Variants in ADGRD1 observed in about 807,000 individuals in gnomAD.
ADGRD1 encodes adhesion G protein-coupled receptor D1, also known as G-protein coupled receptor 133.
In ADGRD1, 77 loss-of-function variants were observed where a neutral mutation model predicts 113.4. The observed-to-expected ratio is 0.68, with a 90% CI of 0.57 to 0.82. The LOEUF is 0.82. Among genes scored for constraint, ADGRD1 ranks in the 40% least tolerant of loss-of-function variants. The pLI, the probability that ADGRD1 is intolerant of heterozygous loss-of-function variation, is 0.00. For missense variants in ADGRD1, 1,036 were observed against 1,139.1 expected (o/e 0.91, Z 1.30); for synonymous variants, 474 against 475.0 (o/e 1.00, Z 0.03).
At chr12:131,032,556 G>A (rs1237747853) in intron 13 of ADGRD1, among the ~76,000 whole-genome samples, 7 of 152,176 alleles carry the variant, frequency 4.6e-5, no homozygotes, top group East Asian at 1.9e-4. Context: ...AGCAGTGAGC[G>A]GAGAGGGCTC....
intron 11 of ADGRD1, among the ~76,000 whole-genome samples, chr12:131,005,572 G>A (rs1480486387): frequency 1.3e-5 from 2 of 150,572 alleles, no homozygotes; most frequent in African/African-American, 5.0e-5. Flanking sequence ...GCACTCGTGG[G>A]GCAAGGCTGG....
intron 13 of ADGRD1, among the ~76,000 whole-genome samples, chr12:131,044,705 G>C (rs1480044602): frequency 6.6e-6 from 1 of 152,046 alleles, no homozygotes; most frequent in African/African-American, 2.4e-5. Flanking sequence ...GTTTAGATTT[G>C]CACCCATTGG....
intron 16 of ADGRD1, 121 bp from the exon 17 acceptor site, chr12:131,105,633 C>A: frequency 1.4e-6 from 1 of 694,706 alleles, no homozygotes; most frequent in South Asian, 1.7e-5. Flanking sequence ...CAGGGAGTGA[C>A]AGCAACCCCT....
intron 2 of ADGRD1, among the ~76,000 whole-genome samples, chr12:130,958,322 C>G (rs1869921250): frequency 6.6e-6 from 1 of 152,002 alleles, no homozygotes. Flanking sequence ...GCCTCAGTCA[C>G]CCGAGCAGCT....
chr12:130,966,595 C>A lies in ADGRD1; in HGVS notation c.187+49C>A. 8.6e-7 allele frequency: 1 copy of A among 1,157,926 alleles called. No homozygotes were observed. Among genetic ancestry groups the A allele is most frequent in the Non-Finnish European group, 1.3e-6 (1 of 764,112 alleles). 71.7% of individuals were successfully genotyped at this position (1,157,926 alleles called of 1,614,324 possible). A position where few individuals can be genotyped will look rare whatever the true frequency, so the allele number is the denominator to read the frequency against. Reference sequence around the variant, plus strand: ...GGCTGTGGGCGCGGGAATCCCAGGGCCATCAGGAGGCGTGGGTGCTGAGAG... The same window carrying A: ...GGCTGTGGGCGCGGGAATCCCAGGGACATCAGGAGGCGTGGGTGCTGAGAG... On this transcript the variant is annotated intron_variant, in intron 3 of 24. Coordinates refer to ENST00000261654, the MANE Select transcript of ADGRD1 (RefSeq NM_198827.5). This position sits in a 1 kb window ranked among gnomAD's most constrained non-coding sequence, Gnocchi z 4.6.
chr12:131,038,218 A>G (rs139864556), intron 13 of ADGRD1, among the ~76,000 whole-genome samples: 218 of 152,306 alleles, frequency 1.4e-3, no homozygotes, highest in Non-Finnish European at 2.7e-3. Flanking sequence ...AGGGGTTCAG[A>G]TGACCCAGCA....
intron 9 of ADGRD1, among the ~76,000 whole-genome samples, chr12:131,001,747 A>G (rs574734287): frequency 1.3e-5 from 2 of 152,318 alleles, no homozygotes; most frequent in Middle Eastern, 3.4e-3. Context: ...GTGGTTTCCA[A>G]GGTTGCCAGG....
chr12:131,013,066 G>A (rs182904056), intron 12 of ADGRD1, among the ~76,000 whole-genome samples: 11 of 152,298 alleles, frequency 7.2e-5, no homozygotes, highest in Non-Finnish European at 1.3e-4. Context: ...CCTTGGGGTC[G>A]TGCCCAGTGT....
chr12:131,067,690 CCTT>C (rs1403799100), intron 13 of ADGRD1, among the ~76,000 whole-genome samples: 1 of 102,016 alleles, frequency 9.8e-6, no homozygotes, highest in East Asian at 2.5e-4. Flanking sequence ...TGCCCCTGAT[CCTT>C]CTTCTGAGCA....
intron 15 of ADGRD1, among the ~76,000 whole-genome samples, chr12:131,089,353 C>T (rs928735972): frequency 6.6e-6 from 1 of 152,220 alleles, no homozygotes; most frequent in Non-Finnish European, 1.5e-5. Context: ...GAACGGGGAA[C>T]GTCTTCCTTC....
rs1870981115 is a variant in ADGRD1 at position 130,966,288 on chromosome 12, GTTTCTT to G, written c.104-169_104-164del. 6.6e-6 allele frequency among the ~76,000 whole-genome samples: 1 copy of G among 152,152 alleles called. No homozygotes were observed. The highest frequency in any genetic ancestry group is 1.5e-5 in the Non-Finnish European group (1 of 68,026). On this transcript the variant is annotated intron_variant, in intron 2 of 24. Transcript: ENST00000261654. The surrounding 1 kb of genome is among the most constrained non-coding windows in gnomAD (Gnocchi z 4.6). ...CTATTTACCAACTTCTAATTTAAGA[GTTTCTT>G]TTTCTAACCAAGAGTGTGTGTTGAA...
intron 4 of ADGRD1, among the ~76,000 whole-genome samples, chr12:130,980,395 T>TGCGCCCG (rs1872816741): frequency 7.7e-6 from 1 of 130,182 alleles, no homozygotes; most frequent in South Asian, 2.8e-4. Context: ...TGAGCCACCA[T>TGCGCCCG]GCCTGGACCC....
At chr12:131,018,523 G>A (rs967153895) in intron 13 of ADGRD1, among the ~76,000 whole-genome samples, 15 of 151,774 alleles carry the variant, frequency 9.9e-5, no homozygotes, top group African/African-American at 3.4e-4. Flanking sequence ...CGCTTCCCTC[G>A]TGCTGCCCCA....
intron 8 of ADGRD1, among the ~76,000 whole-genome samples, chr12:130,997,088 G>T (rs1875573426): frequency 7.7e-6 from 1 of 129,702 alleles, no homozygotes; most frequent in Non-Finnish European, 1.7e-5. Context: ...GGGCGGCCGG[G>T]CAGAGGCACC....
At chr12:131,118,518 T>G in intron 19 of ADGRD1, 67 bp downstream of exon 19, 11 of 1,202,952 alleles carry the variant, frequency 9.1e-6, no homozygotes, top group African/African-American at 1.5e-5. Flanking sequence ...GAGAGCCCCG[T>G]GGCTCTTGCC....
In ADGRD1 at chr12:130,954,746, G is replaced by A. The variant is rs530846344; in HGVS notation, c.103+86G>A. 2.3e-6 allele frequency: 3 copies of A among 1,329,458 alleles called. No individual in the cohort carries two copies. 82.4% of individuals were successfully genotyped at this position (1,329,458 alleles called of 1,614,324 possible). ...AGGAACAGCCCACTTGTTCATCTCT[G>A]AGGCATCAGCGAATGGCCCTTGTTG... On this transcript the variant is annotated intron_variant, in intron 2 of 24. Coordinates refer to ENST00000261654, the MANE Select transcript of ADGRD1 (RefSeq NM_198827.5). This position sits in a 1 kb window ranked among gnomAD's most constrained non-coding sequence, Gnocchi z 4.7.
At position 130,987,253 on chromosome 12, in the gene ADGRD1, G is replaced by T; in HGVS notation, c.649G>T (p.Ala217Ser). ...CGTGATAGGGTCTGAGCAGGACCAG[G>T]CCAAGTGTTATGAGAACGGTGCTTT... Reference protein sequence around the residue: ...NLVIGSEQDQAKCYENGAFDE... With the variant: ...NLVIGSEQDQSKCYENGAFDE... Residue 217 changes from alanine (A) to serine (S), a missense_variant, in exon 6 of 25, where the codon GCC becomes TCC. Transcript: ENST00000261654. The T allele has an allele frequency of 6.2e-7, 1 of 1,614,240 alleles. No homozygotes were observed. Among genetic ancestry groups the T allele is most frequent in the Non-Finnish European group, 8.5e-7 (1 of 1,180,028 alleles).
chr12:130,964,051 G>A (rs143489236), intron 2 of ADGRD1, among the ~76,000 whole-genome samples: 226 of 152,168 alleles, frequency 1.5e-3, no homozygotes, highest in African/African-American at 5.0e-3. Flanking sequence ...ATATTTATAC[G>A]TAATTTTTAT....
At position 130,966,558 on chromosome 12, in the gene ADGRD1, G is replaced by A. The variant is rs202192321; in HGVS notation, c.187+12G>A. ...GGATACAACTGGAGGTAGAGACGCGGGTGCTGAGAGCGGCTGTGGGCGCGG... is the reference window on the plus strand; with the variant it reads ...GGATACAACTGGAGGTAGAGACGCGAGTGCTGAGAGCGGCTGTGGGCGCGG... On this transcript the variant is annotated intron_variant, in intron 3 of 24. Coordinates refer to ENST00000261654, the MANE Select transcript of ADGRD1 (RefSeq NM_198827.5). This position sits in a 1 kb window ranked among gnomAD's most constrained non-coding sequence, Gnocchi z 4.6. 1.8e-4 allele frequency: 274 copies of A among 1,563,678 alleles called. No homozygotes were observed. The highest frequency in any genetic ancestry group is 1.2e-3 in the Middle Eastern group (7 of 5,982).
Sources: gnomAD v4.1 joint callset for allele counts (sites outside exome capture counted in the v4.1 genomes callset) on GRCh38, gnomAD v4.1.1 for gene constraint, Gnocchi (gnomAD v3.1) non-coding constraint, MANE v1.5 for transcripts, NCBI Gene and HGNC (gene_info 2026-07-23, HGNC 2026-07-21) for gene names.